ARFGEF2: variants seen among roughly 807,000 people sequenced by gnomAD.
ARFGEF2 encodes brefeldin A-inhibited guanine nucleotide-exchange protein 2.
Under a neutral mutation model 219.9 loss-of-function variants are expected in ARFGEF2, and 74 were observed. The observed-to-expected ratio is 0.34, with a 90% confidence interval of 0.28 to 0.41. The LOEUF (loss-of-function observed/expected upper bound fraction) is 0.41. Ranked by LOEUF, ARFGEF2 falls within the 10% of genes least tolerant of loss-of-function variation. The pLI, the probability that ARFGEF2 is intolerant of heterozygous loss-of-function variation, is 1.00. For synonymous variants in ARFGEF2, 733 were observed against 799.2 expected (o/e 0.92, Z 1.40); for missense variants, 1,743 against 2,218.3 (o/e 0.79, Z 4.30).
At chr20:48,976,589 A>G (rs962961838) in intron 14 of ARFGEF2, among the ~76,000 whole-genome samples, 4 of 152,130 alleles carry the variant, frequency 2.6e-5, no homozygotes, top group Non-Finnish European at 5.9e-5. Flanking sequence ...CAGGTGGATC[A>G]TGAGGTCAGG....
intron 25 of ARFGEF2, among the ~76,000 whole-genome samples, chr20:49,002,892 C>T (rs898865513): frequency 8.5e-5 from 13 of 152,160 alleles, no homozygotes; most frequent in Non-Finnish European, 1.3e-4. Context: ...ATGATCCACC[C>T]GCCTCAGCCT....
At chr20:48,951,067 G>A in intron 3 of ARFGEF2, among the ~76,000 whole-genome samples, 1 of 151,952 alleles carries the variant, frequency 6.6e-6, no homozygotes, top group Non-Finnish European at 1.5e-5. Flanking sequence ...CAGGCTTGCA[G>A]AGATGGTTGC....
intron 6 of ARFGEF2, among the ~76,000 whole-genome samples, chr20:48,955,848 G>T (rs1184349542): frequency 6.6e-6 from 1 of 152,210 alleles, no homozygotes; most frequent in Non-Finnish European, 1.5e-5. Context: ...TGAGGCAAGA[G>T]GATCACTTGA....
At chr20:49,028,401 C>T (rs2091615565) in intron 36 of ARFGEF2, 129 bp from the exon 37 acceptor site, 1 of 1,040,022 alleles carries the variant, frequency 9.6e-7, no homozygotes, top group East Asian at 2.5e-5. Flanking sequence ...GCTTAGGTGA[C>T]AGAGCAAGAC....
chr20:48,948,985 A>G (rs1346038195), intron 3 of ARFGEF2, among the ~76,000 whole-genome samples: 1 of 152,212 alleles, frequency 6.6e-6, no homozygotes, highest in Non-Finnish European at 1.5e-5. Flanking sequence ...TATAAGAAAA[A>G]TAATTACGTT....
At chr20:48,973,976 A>G (rs1365087487) in intron 12 of ARFGEF2, among the ~76,000 whole-genome samples, 1 of 152,178 alleles carries the variant, frequency 6.6e-6, no homozygotes, top group Non-Finnish European at 1.5e-5. Flanking sequence ...ATTTACTTAA[A>G]GGGTGAGCCT....
chr20:48,984,732 C>G lies in ARFGEF2; in HGVS notation c.1962C>G (p.Phe654Leu). The part of the protein sequence containing the change: ...KEIIEHGIEL[F>L]NKKPKRGIQF... ...GTCCCATCTCTGCTTGAAACAGGTT[C>G]AACAAGAAACCCAAGAGGGGGATCC... Residue 654 changes from phenylalanine (F) to leucine (L), a missense_variant, in exon 15 of 39, where the codon TTC (phenylalanine) becomes TTG (leucine). Phe to Leu is a conservative substitution (Grantham distance 22, BLOSUM62 0). Coordinates refer to ENST00000371917, the MANE Select transcript of ARFGEF2 (RefSeq NM_006420.3). 1 of 1,614,020 alleles carries G rather than the reference C, an allele frequency of 6.2e-7. No individual in the cohort carries two copies. The highest frequency in any genetic ancestry group is 1.7e-5 in the Admixed American group (1 of 60,008).
chr20:48,989,557 T>A lies in ARFGEF2; in HGVS notation c.2687T>A (p.Leu896Gln). 4 of 1,614,226 alleles carry A rather than the reference T, an allele frequency of 2.5e-6. No individual in the cohort carries two copies. Among genetic ancestry groups the A allele is most frequent in the Non-Finnish European group, 3.4e-6 (4 of 1,180,032 alleles). The change falls in exon 20 of 39, where the codon CTG (leucine) becomes CAG (glutamine). Residue 896 changes from leucine (L) to glutamine (Q), a missense_variant and splice_region_variant. Physicochemically the swap from Leu to Gln is moderately radical, Grantham distance 113. This residue lies in a region of ARFGEF2 where 666 missense variants were observed against 955.4 expected (regional missense o/e 0.70). Transcript: ENST00000371917. Reference protein sequence around the residue: ...HLDHVRPMFKLVWTPLLAAYS... With the variant: ...HLDHVRPMFKQVWTPLLAAYS... ...ATTGAAATCTTCCTTCCATGATAGC[T>A]GGTGTGGACGCCACTATTGGCAGCC...
In ARFGEF2 at chr20:49,027,813, G is replaced by A. The variant is rs937831251; in HGVS notation, c.4925-717G>A. Among the ~76,000 whole-genome samples, 3 of 152,232 alleles carry A rather than the reference G, an allele frequency of 2.0e-5. No individual in the cohort carries two copies. The East Asian group carries it at 5.8e-4, about 29-fold the overall frequency. On this transcript the variant is annotated intron_variant, in intron 36 of 38. Transcript: ENST00000371917. ...ACTGCCTTCATCTGGTATCACAAAC[G>A]ATCTGTATTAAGAATATATATAAAA...
At chr20:48,991,316 T>C in intron 21 of ARFGEF2, 118 bp downstream of exon 21, 2 of 1,422,210 alleles carry the variant, frequency 1.4e-6, no homozygotes, top group Non-Finnish European at 2.0e-6. Context: ...CTGTACCTCA[T>C]GTATCTGGAA....
intron 1 of ARFGEF2, among the ~76,000 whole-genome samples, chr20:48,933,841 C>T (rs947599474): frequency 2.0e-5 from 3 of 151,838 alleles, no homozygotes; most frequent in Non-Finnish European, 2.9e-5. Context: ...GGAAGTTGGC[C>T]GGGTGCGGTG....
rs1175593439 is a variant in ARFGEF2 at position 48,980,072 on chromosome 20, T to C, written c.1958+3873T>C. Among the ~76,000 whole-genome samples the C allele has an allele frequency of 2.0e-5, 3 of 152,214 alleles. No homozygotes were observed. The East Asian group carries it at 5.8e-4, about 29-fold the overall frequency. ...TTCTCTAGTTCTTTTAATTGTGATGTTAGTGTGTCAATTTTAGATCTTTCC... is the reference window on the plus strand; with the variant it reads ...TTCTCTAGTTCTTTTAATTGTGATGCTAGTGTGTCAATTTTAGATCTTTCC... On this transcript the variant is annotated intron_variant, in intron 14 of 38. Transcript: ENST00000371917.
intron 26 of ARFGEF2, among the ~76,000 whole-genome samples, chr20:49,006,698 C>G (rs572897645): frequency 6.6e-6 from 1 of 152,114 alleles, no homozygotes; most frequent in African/African-American, 2.4e-5. Flanking sequence ...GCAAAAGGCC[C>G]GTAGCAGGTA....
intron 25 of ARFGEF2, 74 bp from the exon 26 acceptor site, chr20:49,004,996 C>T (rs2091448984): frequency 6.5e-7 from 1 of 1,542,658 alleles, no homozygotes; most frequent in African/African-American, 1.4e-5. Context: ...GGCTGTCCAT[C>T]TTTGCTGTTG....
rs1568682585 is a variant in ARFGEF2, at chr20:48,921,870, GC to G, written c.-15del. The G allele has an allele frequency of 1.3e-6, 2 of 1,521,680 alleles. No individual in the cohort carries two copies. 94.3% of individuals were successfully genotyped at this position (1,521,680 alleles called of 1,614,324 possible). The stretch of plus-strand genomic sequence containing the variant: ...ACGCCGCCCGCCCGCGGGGCCGTCA[GC>G]CCCCGCCGGGCCGGGGCCATGCAGG... On this transcript the variant is annotated 5_prime_UTR_variant, in exon 1 of 39. Transcript: ENST00000371917.
intron 10 of ARFGEF2, 36 bp from the exon 11 acceptor site, chr20:48,972,290 T>C: frequency 6.8e-7 from 1 of 1,479,576 alleles, no homozygotes; most frequent in South Asian, 1.1e-5. Context: ...GTTGAAACTG[T>C]TAATTAGTGT....
rs1252536228 is a variant in ARFGEF2 at position 48,959,289 on chromosome 20, AATATC to A, written c.839-4537_839-4533del. On this transcript the variant is annotated intron_variant, in intron 6 of 38. Transcript: ENST00000371917. Reference sequence around the variant, plus strand: ...TGGAAACTGTCACCATAATTTTATTAATATCATAGCATCAGAGAAGGTTGGGACTG... The same window carrying A: ...TGGAAACTGTCACCATAATTTTATTAATAGCATCAGAGAAGGTTGGGACTG... Among the ~76,000 whole-genome samples, 6 of 151,980 alleles carry A rather than the reference AATATC, an allele frequency of 3.9e-5. No individual in the cohort carries two copies. In the South Asian group the frequency reaches 1.0e-3, roughly 26 times the overall value.
rs770441868 is a variant in ARFGEF2, at chr20:49,018,899, C to T, written c.4525C>T (p.Arg1509Cys). 21 of 1,613,692 alleles carry T rather than the reference C, an allele frequency of 1.3e-5. No individual in the cohort carries two copies. Among genetic ancestry groups the T allele is most frequent in the East Asian group, 6.7e-5 (3 of 44,864 alleles). The change falls in exon 34 of 39, where the codon CGC becomes TGC. Residue 1509 changes from arginine (R) to cysteine (C), a missense_variant. By Grantham distance (180) the Arg-to-Cys change is radical. Coordinates refer to ENST00000371917, the MANE Select transcript of ARFGEF2 (RefSeq NM_006420.3). Reference sequence around the variant, plus strand: ...TTACATTTAGGATGTGGATCTGGACCGCCAGTCTTTAAGCAGCATAGATAA... The same window carrying T: ...TTACATTTAGGATGTGGATCTGGACTGCCAGTCTTTAAGCAGCATAGATAA... ...SEKHLDVDLD[R>C]QSLSSIDKNP... is the part of the protein sequence containing the mutation.
chr20:48,995,018 A>G (rs1203855989), intron 22 of ARFGEF2, among the ~76,000 whole-genome samples: 4 of 152,174 alleles, frequency 2.6e-5, no homozygotes, highest in Non-Finnish European at 5.9e-5. Flanking sequence ...CTGGCTATAC[A>G]TTGGATTGAG....
Sources: gnomAD v4.1 joint callset for allele counts (sites outside exome capture counted in the v4.1 genomes callset) on GRCh38, gnomAD v4.1.1 for gene constraint, gnomAD v4.1.1 regional missense constraint, MANE v1.5 for transcripts, NCBI Gene and HGNC (gene_info 2026-07-23, HGNC 2026-07-21) for gene names.